VWA5B1: variants seen among roughly 807,000 people sequenced by gnomAD.
VWA5B1 encodes the protein von Willebrand factor A domain-containing protein 5B1.
In VWA5B1, 115 loss-of-function variants were observed where a neutral mutation model predicts 118.2. The observed-to-expected ratio is 0.97, with a 90% CI of 0.84 to 1.14. The LOEUF (loss-of-function observed/expected upper bound fraction) is 1.14. Among genes scored for constraint, VWA5B1 ranks in the 50% most tolerant of loss-of-function variants. VWA5B1 has a pLI of 0.00. For synonymous variants in VWA5B1, 682 were observed against 658.4 expected, an observed-to-expected ratio of 1.04 and a Z score of -0.55; for missense variants, 1,596 against 1,603.8, an observed-to-expected ratio of 1.00 and a Z score of 0.08.
chr1:20,302,446 G>T (rs779647257), intron 1 of VWA5B1, among the ~76,000 whole-genome samples: 3 of 152,188 alleles, frequency 2.0e-5, no homozygotes, highest in Non-Finnish European at 2.9e-5. Flanking sequence ...TCCATTCATT[G>T]TTGAGCACCA....
chr1:20,354,205 G>A lies in VWA5B1; in HGVS notation c.3590G>A (p.Arg1197Gln), dbSNP rs763723423. 6.6e-5 allele frequency: 103 copies of A among 1,551,118 alleles called. No homozygotes were observed. The highest frequency in any genetic ancestry group is 8.0e-5 in the Non-Finnish European group (92 of 1,146,994). The change falls in exon 22 of 22, where the codon CGG (arginine) becomes CAG (glutamine). Residue 1197 changes from arginine to glutamine, a missense_variant. Arg to Gln is a conservative substitution (Grantham distance 43). Coordinates refer to ENST00000289815, the MANE Select transcript of VWA5B1 (RefSeq NM_001039500.3). Reference protein sequence around the residue: ...AAARQLFVLLRHWDENLEFNM... With the variant: ...AAARQLFVLLQHWDENLEFNM... Reference sequence around the variant, plus strand: ...GCCCGCCAGCTGTTTGTGCTTCTGCGGCACTGGGATGAGAATCTCGAGTTC... The same window carrying A: ...GCCCGCCAGCTGTTTGTGCTTCTGCAGCACTGGGATGAGAATCTCGAGTTC...
chr1:20,345,056 G>GT (rs1356700150), intron 16 of VWA5B1, among the ~76,000 whole-genome samples: 1 of 152,170 alleles, frequency 6.6e-6, no homozygotes, highest in Admixed American at 6.5e-5. Flanking sequence ...CAGATAAGTG[G>GT]TCCCCACCCA....
At chr1:20,308,463 G>A (rs574295381) in intron 1 of VWA5B1, among the ~76,000 whole-genome samples, 18 of 152,286 alleles carry the variant, frequency 1.2e-4, no homozygotes, top group African/African-American at 3.4e-4. Context: ...AGACAGGAGC[G>A]AACCAGGATG....
chr1:20,310,494 G>A lies in VWA5B1; in HGVS notation c.-26-82G>A, dbSNP rs919261300. On this transcript the variant is annotated intron_variant, in intron 1 of 21. Transcript: ENST00000289815. ...GAAAACAATGATGCTCTGATTGCTT[G>A]AGGGTGTCTGAAACGGGAAAACTAG... The A allele has an allele frequency of 6.1e-6, 8 of 1,310,292 alleles. No individual in the cohort carries two copies. In the South Asian group the frequency reaches 6.7e-5, roughly 11 times the overall value. 81.2% of individuals were successfully genotyped at this position (1,310,292 alleles called of 1,614,324 possible).
In VWA5B1 at chr1:20,310,697, T is replaced by A. The variant is rs2088822507; in HGVS notation, c.96T>A (p.Thr32=). Residue 32 remains threonine (T), a synonymous_variant, in exon 2 of 22, where the codon ACT becomes ACA. Coordinates refer to ENST00000289815, the MANE Select transcript of VWA5B1 (RefSeq NM_001039500.3). The stretch of plus-strand genomic sequence containing the variant: ...TCAGCGGTTATGCCCTGGGCCTAAC[T>A]GCCTCCCTCACCTATGGCAACCTGG... ...SCVSGYALGL[T]ASLTYGNLEA... The A allele has an allele frequency of 6.4e-7, 1 of 1,550,904 alleles. No individual in the cohort carries two copies. The highest frequency in any genetic ancestry group is 1.4e-5 in the African/African-American group (1 of 73,028).
intron 1 of VWA5B1, among the ~76,000 whole-genome samples, chr1:20,295,942 A>C (rs1458751699): frequency 2.0e-5 from 3 of 152,150 alleles, no homozygotes; most frequent in Non-Finnish European, 4.4e-5. Flanking sequence ...AGCTCACTGC[A>C]ACCTCCGCCT....
chr1:20,312,289 G>A (rs1008399316), intron 2 of VWA5B1, among the ~76,000 whole-genome samples: 1 of 152,204 alleles, frequency 6.6e-6, no homozygotes, highest in African/African-American at 2.4e-5. Flanking sequence ...TGTGTGGCAC[G>A]TGGCTTAATA....
chr1:20,302,121 C>T (rs1191838666), intron 1 of VWA5B1, among the ~76,000 whole-genome samples: 1 of 152,158 alleles, frequency 6.6e-6, no homozygotes, highest in Non-Finnish European at 1.5e-5. Context: ...TTGGCCCCAG[C>T]CTCCTGTCCA....
intron 1 of VWA5B1, among the ~76,000 whole-genome samples, chr1:20,292,111 CTCTG>C (rs2088320325): frequency 6.6e-6 from 1 of 151,350 alleles, no homozygotes; most frequent in African/African-American, 2.4e-5. Context: ...TTTTCTTTCC[CTCTG>C]TCTCTCTTTC....
intron 2 of VWA5B1, among the ~76,000 whole-genome samples, chr1:20,312,604 C>T (rs1396322545): frequency 6.6e-6 from 1 of 152,194 alleles, no homozygotes; most frequent in Non-Finnish European, 1.5e-5. Flanking sequence ...GAAGTTCTGG[C>T]CACACCAGGC....
intron 21 of VWA5B1, among the ~76,000 whole-genome samples, chr1:20,353,198 G>A (rs777786363): frequency 6.6e-6 from 1 of 152,198 alleles, no homozygotes; most frequent in Non-Finnish European, 1.5e-5. Flanking sequence ...AAGAGTCAAC[G>A]ATTAGGTGGT....
At chr1:20,350,748 C>T (rs1395940558) in intron 19 of VWA5B1, 109 bp from the exon 20 acceptor site, 1 of 1,042,944 alleles carries the variant, frequency 9.6e-7, no homozygotes, top group East Asian at 2.6e-5. Context: ...TCCCTAGGAA[C>T]TTAGCTAAGC....
chr1:20,323,820 A>G (rs2089295262), intron 8 of VWA5B1, among the ~76,000 whole-genome samples: 1 of 152,214 alleles, frequency 6.6e-6, no homozygotes, highest in African/African-American at 2.4e-5. Flanking sequence ...AGCAGGGCAC[A>G]GGGAAGAGGG....
At chr1:20,298,303 A>G (rs2088445174) in intron 1 of VWA5B1, among the ~76,000 whole-genome samples, 1 of 151,948 alleles carries the variant, frequency 6.6e-6, no homozygotes, top group Non-Finnish European at 1.5e-5. Flanking sequence ...CACCCTGCCC[A>G]GTCTCAGTGG....
At chr1:20,345,268 C>G (rs887342723) in intron 16 of VWA5B1, among the ~76,000 whole-genome samples, 188 bp from the exon 17 acceptor site, 1 of 152,114 alleles carries the variant, frequency 6.6e-6, no homozygotes, top group Non-Finnish European at 1.5e-5. Context: ...GAAATGATGA[C>G]GTGAAATGAT....
intron 8 of VWA5B1, among the ~76,000 whole-genome samples, chr1:20,324,499 C>T (rs1287846103): frequency 6.6e-6 from 1 of 152,208 alleles, no homozygotes; most frequent in Non-Finnish European, 1.5e-5. Context: ...GTCGTCTATC[C>T]TCTCACCTGT....
At position 20,337,836 on chromosome 1, in the gene VWA5B1, G is replaced by T; in HGVS notation, c.2133G>T (p.Gln711His). The T allele has an allele frequency of 6.4e-7, 1 of 1,551,702 alleles. No individual in the cohort carries two copies. Among genetic ancestry groups the T allele is most frequent in the South Asian group, 1.2e-5 (1 of 84,020 alleles). The change falls in exon 14 of 22, where the codon CAG becomes CAT. Residue 711 changes from glutamine (Q) to histidine (H), a missense_variant and splice_region_variant. Gln to His is a conservative substitution (Grantham distance 24). Transcript: ENST00000289815. ...TCCAGCGGTGGCAGATTGATTTGCAGGTACCCAAGCAGGACAGATTAGGGA... is the reference window on the plus strand; with the variant it reads ...TCCAGCGGTGGCAGATTGATTTGCATGTACCCAAGCAGGACAGATTAGGGA... ...LDVQRWQIDL[Q>H]PLLNSGQDLN...
intron 8 of VWA5B1, among the ~76,000 whole-genome samples, chr1:20,326,591 G>C (rs2100908487): frequency 6.6e-6 from 1 of 152,206 alleles, no homozygotes; most frequent in Middle Eastern, 3.4e-3. Context: ...TTAGCCTCCT[G>C]AGTAGCTGGG....
At chr1:20,351,480 T>C (rs2090128705) in intron 20 of VWA5B1, among the ~76,000 whole-genome samples, 1 of 152,030 alleles carries the variant, frequency 6.6e-6, no homozygotes, top group African/African-American at 2.4e-5. Flanking sequence ...GGTGAAACCC[T>C]GTCTCTACTA....
Sources: gnomAD v4.1 joint callset for allele counts (sites outside exome capture counted in the v4.1 genomes callset) on GRCh38, gnomAD v4.1.1 for gene constraint, MANE v1.5 for transcripts, NCBI Gene and HGNC (gene_info 2026-07-23, HGNC 2026-07-21) for gene names.